MEGF9: variants seen among roughly 807,000 people sequenced by gnomAD.
MEGF9 encodes multiple EGF like domains 9, also known as multiple epidermal growth factor-like domains protein 9.
MEGF9 carries 6 observed loss-of-function variants against 46.8 expected under a neutral mutation model. The observed-to-expected ratio is 0.13, with a 90% CI of 0.07 to 0.25. MEGF9 has a LOEUF of 0.25. Among genes scored for constraint, MEGF9 ranks in the 10% least tolerant of loss-of-function variants. The probability of loss-of-function intolerance (pLI) is 1.00; values close to 1 mark genes in which losing one functional copy is unlikely to be tolerated. For synonymous variants in MEGF9, 302 were observed against 330.7 expected, an observed-to-expected ratio of 0.91 and a Z score of 0.94; for missense variants, 683 against 792.4, an observed-to-expected ratio of 0.86 and a Z score of 1.66.
At chr9:120,659,269 C>G in intron 2 of MEGF9, 105 bp downstream of exon 2, 1 of 744,404 alleles carries the variant, frequency 1.3e-6, no homozygotes, top group Non-Finnish European at 2.1e-6. Context: ...AAATCTATGA[C>G]CCTCATCCCC....
chr9:120,602,769 C>G lies in MEGF9; in HGVS notation c.*2421G>C, dbSNP rs1009413605. The G allele has an allele frequency of 6.6e-6, 1 of 151,728 alleles. No homozygotes were observed. Among genetic ancestry groups the G allele is most frequent in the East Asian group, 1.9e-4 (1 of 5,172 alleles). The allele number at this position is 151,728 out of a possible 1,614,324, so 9.4% of individuals were successfully genotyped here. ...TAATCCTGACCTTTTTTGGGGGGGG[C>G]AGGGGGCGGTGTATCTGGGAGAAAG... On this transcript the variant is annotated 3_prime_UTR_variant, in exon 6 of 6. Coordinates refer to ENST00000373930, the MANE Select transcript of MEGF9 (RefSeq NM_001080497.3).
At chr9:120,705,546 T>C (rs1379610856) in intron 1 of MEGF9, among the ~76,000 whole-genome samples, 2 of 151,972 alleles carry the variant, frequency 1.3e-5, no homozygotes, top group African/African-American at 4.8e-5. Context: ...AAAGGTTTTT[T>C]TTTTTTTCAA....
Position 120,638,972 on chromosome 9 carries a change from T to G in MEGF9, c.804-16217A>C, listed in dbSNP as rs138405696. Among the ~76,000 whole-genome samples, 320 of 152,334 alleles carry G rather than the reference T, an allele frequency of 2.1e-3. 1 individual carries two copies. The highest frequency in any genetic ancestry group is 7.2e-3 in the African/African-American group (301 of 41,582). ...GCTTGGGCTTAGGTGTGCACCACCATGCCCAGCTTGTCCAAGTATTTTTGA... is the reference window on the plus strand; with the variant it reads ...GCTTGGGCTTAGGTGTGCACCACCAGGCCCAGCTTGTCCAAGTATTTTTGA... On this transcript the variant is annotated intron_variant, in intron 2 of 5. Transcript: ENST00000373930.
chr9:120,612,609 G>A, intron 3 of MEGF9, 70 bp from the exon 4 acceptor site: 1 of 1,378,058 alleles, frequency 7.3e-7, no homozygotes, highest in South Asian at 1.4e-5. Context: ...CAAAAATCAT[G>A]CCTGCAACAA....
rs376037115 is a variant in MEGF9, at chr9:120,658,194, C to T, written c.803+1180G>A. ...TAGAGACGGGGTTTCACTGTGCTGG[C>T]CAGGCTCATCTAGAACTCCTGGCCT... On this transcript the variant is annotated intron_variant, in intron 2 of 5. Transcript: ENST00000373930. Among the ~76,000 whole-genome samples the T allele has an allele frequency of 8.2e-4, 125 of 152,196 alleles. 1 individual carries two copies. The highest frequency in any genetic ancestry group is 2.8e-3 in the African/African-American group (118 of 41,516).
At chr9:120,706,085 A>G (rs1427004831) in intron 1 of MEGF9, among the ~76,000 whole-genome samples, 2 of 152,036 alleles carry the variant, frequency 1.3e-5, no homozygotes, top group East Asian at 3.9e-4. Flanking sequence ...CCCATAATTT[A>G]CTCATCAGTA....
At chr9:120,677,598 A>G (rs1336023958) in intron 1 of MEGF9, among the ~76,000 whole-genome samples, 1 of 152,248 alleles carries the variant, frequency 6.6e-6, no homozygotes, top group Non-Finnish European at 1.5e-5. Flanking sequence ...GTTCAAAGCC[A>G]AAGACACAAT....
At chr9:120,708,582 A>C (rs2043939002) in intron 1 of MEGF9, among the ~76,000 whole-genome samples, 1 of 152,372 alleles carries the variant, frequency 6.6e-6, no homozygotes, top group Non-Finnish European at 1.5e-5. Flanking sequence ...ACAGAACTTT[A>C]GAGCTGAAAG....
At chr9:120,635,822 T>C (rs1023804905) in intron 2 of MEGF9, among the ~76,000 whole-genome samples, 2 of 152,224 alleles carry the variant, frequency 1.3e-5, no homozygotes, top group African/African-American at 4.8e-5. Flanking sequence ...TTGATTTCCT[T>C]TTCATGCAGG....
intron 3 of MEGF9, among the ~76,000 whole-genome samples, chr9:120,622,162 A>G (rs145388271): frequency 6.6e-6 from 1 of 152,314 alleles, no homozygotes; most frequent in African/African-American, 2.4e-5. Context: ...TCCTGTGGGA[A>G]AGCTGGCCTT....
At chr9:120,672,433 A>AAAATAAATAAATAAATAAATAAAT (rs145401927) in intron 1 of MEGF9, among the ~76,000 whole-genome samples, 4 of 144,762 alleles carry the variant, frequency 2.8e-5, no homozygotes, top group African/African-American at 1.1e-4. Flanking sequence ...TCTCTACAGA[A>AAAATAAATAAATAAATAAATAAAT]AAATAAATAA....
chr9:120,652,710 T>C (rs553791678), intron 2 of MEGF9, among the ~76,000 whole-genome samples: 3 of 152,022 alleles, frequency 2.0e-5, no homozygotes, highest in Non-Finnish European at 4.4e-5. Context: ...GGACATGTGG[T>C]TTTTATATAA....
intron 2 of MEGF9, among the ~76,000 whole-genome samples, chr9:120,647,892 C>G (rs1466626856): frequency 6.6e-6 from 1 of 152,174 alleles, no homozygotes; most frequent in African/African-American, 2.4e-5. Context: ...CACTTATGTG[C>G]TCAAGCCAGA....
intron 2 of MEGF9, among the ~76,000 whole-genome samples, chr9:120,633,936 T>C (rs2043561182): frequency 6.6e-6 from 1 of 152,214 alleles, no homozygotes; most frequent in Non-Finnish European, 1.5e-5. Flanking sequence ...TCCATTACAG[T>C]CAGAAAAGAT....
intron 2 of MEGF9, among the ~76,000 whole-genome samples, chr9:120,641,035 A>G (rs576361746): frequency 2.0e-5 from 3 of 152,182 alleles, no homozygotes; most frequent in Admixed American, 2.0e-4. Flanking sequence ...AACAGATATG[A>G]TTTTGTTCTT....
At chr9:120,679,625 T>TA (rs1461173522) in intron 1 of MEGF9, among the ~76,000 whole-genome samples, 1 of 150,416 alleles carries the variant, frequency 6.6e-6, no homozygotes. Context: ...AAGTATAATT[T>TA]AAAAAAAAAG....
At chr9:120,608,799 G>C (rs1442727301) in intron 4 of MEGF9, among the ~76,000 whole-genome samples, 1 of 152,118 alleles carries the variant, frequency 6.6e-6, no homozygotes, top group African/African-American at 2.4e-5. Flanking sequence ...CCAAAACACT[G>C]AGAATCATCT....
intron 1 of MEGF9, among the ~76,000 whole-genome samples, chr9:120,712,014 T>C (rs1383942168): frequency 6.6e-6 from 1 of 152,156 alleles, no homozygotes; most frequent in South Asian, 2.1e-4. Flanking sequence ...CCTAGAACTT[T>C]GGGAGGCCGA....
intron 2 of MEGF9, among the ~76,000 whole-genome samples, chr9:120,646,921 G>C (rs777335997): frequency 2.0e-5 from 3 of 151,792 alleles, no homozygotes; most frequent in Non-Finnish European, 4.4e-5. Flanking sequence ...ATTTAGAGGG[G>C]AGCTTCTCAC....
Sources: gnomAD v4.1 joint callset for allele counts (sites outside exome capture counted in the v4.1 genomes callset) on GRCh38, gnomAD v4.1.1 for gene constraint, MANE v1.5 for transcripts, NCBI Gene and HGNC (gene_info 2026-07-23, HGNC 2026-07-21) for gene names.